Variants in ANKS1B observed in about 807,000 individuals in gnomAD.
The protein encoded by ANKS1B is ankyrin repeat and sterile alpha motif domain-containing protein 1B.
ANKS1B carries 36 observed loss-of-function variants against 148.3 expected under a neutral mutation model. That is an observed-to-expected ratio of 0.24 (90% CI 0.19 to 0.32). The LOEUF is 0.32. Among genes scored for constraint, ANKS1B ranks in the 10% least tolerant of loss-of-function variants. The pLI, the probability that ANKS1B is intolerant of heterozygous loss-of-function variation, is 1.00. For synonymous variants in ANKS1B, 542 were observed against 560.8 expected, an observed-to-expected ratio of 0.97 and a Z score of 0.47; for missense variants, 1,157 against 1,542.6, an observed-to-expected ratio of 0.75 and a Z score of 4.19.
At chr12:99,536,770 A>T (rs181145054) in intron 9 of ANKS1B, among the ~76,000 whole-genome samples, 2 of 152,262 alleles carry the variant, frequency 1.3e-5, no homozygotes, top group East Asian at 3.9e-4. Context: ...CAAACACTCC[A>T]ATCACACTCT....
At chr12:99,748,929 G>A (rs2060849510) in intron 8 of ANKS1B, among the ~76,000 whole-genome samples, 1 of 152,038 alleles carries the variant, frequency 6.6e-6, no homozygotes, top group African/African-American at 2.4e-5. Context: ...AACAAATCCT[G>A]GGAGTAAAAT....
At chr12:99,387,140 A>C (rs2093893989) in intron 12 of ANKS1B, among the ~76,000 whole-genome samples, 1 of 150,986 alleles carries the variant, frequency 6.6e-6, no homozygotes, top group South Asian at 2.1e-4. Flanking sequence ...TATGGATGCA[A>C]GAATTGGTGG....
chr12:99,702,952 T>C (rs2055109948), intron 8 of ANKS1B, among the ~76,000 whole-genome samples: 1 of 152,036 alleles, frequency 6.6e-6, no homozygotes, highest in Admixed American at 6.6e-5. Context: ...TTTTTGCACA[T>C]GGTGAAAGAC....
chr12:99,738,124 A>G (rs7397866), intron 8 of ANKS1B, among the ~76,000 whole-genome samples: 28,163 of 152,120 alleles, frequency 0.19, 3,249 homozygotes, highest in East Asian at 0.55. Flanking sequence ...GAACACAGAC[A>G]TGGAATTTAT....
At chr12:99,220,714 T>G (rs959588351) in intron 14 of ANKS1B, among the ~76,000 whole-genome samples, 1 of 152,114 alleles carries the variant, frequency 6.6e-6, no homozygotes, top group African/African-American at 2.4e-5. Flanking sequence ...CCCAAAGTGC[T>G]GGGATTACAG....
At chr12:99,469,741 C>T (rs2096206147) in intron 10 of ANKS1B, among the ~76,000 whole-genome samples, 1 of 152,090 alleles carries the variant, frequency 6.6e-6, no homozygotes, top group South Asian at 2.1e-4. Flanking sequence ...AAATGTCCAA[C>T]TAAAATAAGT....
intron 8 of ANKS1B, among the ~76,000 whole-genome samples, chr12:99,736,387 T>C (rs1482163160): frequency 6.6e-6 from 1 of 151,858 alleles, no homozygotes; most frequent in Non-Finnish European, 1.5e-5. Context: ...TTCAAACTGA[T>C]AAATTCAGTA....
At chr12:98,958,560 T>C (rs1171601650) in intron 17 of ANKS1B, among the ~76,000 whole-genome samples, 2 of 152,268 alleles carry the variant, frequency 1.3e-5, no homozygotes, top group African/African-American at 4.8e-5. Flanking sequence ...ATTACACATA[T>C]GTATACATAC....
intron 24 of ANKS1B, among the ~76,000 whole-genome samples, chr12:98,780,669 A>G (rs998983538): frequency 5.3e-5 from 8 of 152,224 alleles, no homozygotes; most frequent in Admixed American, 1.3e-4. Flanking sequence ...AAAGACACAT[A>G]TATATCTCTA....
intron 7 of ANKS1B, among the ~76,000 whole-genome samples, chr12:99,774,669 A>G (rs2063488928): frequency 6.6e-6 from 1 of 152,146 alleles, no homozygotes; most frequent in South Asian, 2.1e-4. Flanking sequence ...TCTTGGAGAG[A>G]TATCTGCACC....
intron 9 of ANKS1B, among the ~76,000 whole-genome samples, chr12:99,561,706 A>G (rs966939976): frequency 2.0e-5 from 3 of 152,044 alleles, no homozygotes; most frequent in Non-Finnish European, 4.4e-5. Flanking sequence ...CTCCATTTCT[A>G]ATTCACTCAC....
chr12:99,213,421 A>G (rs1400460574), intron 14 of ANKS1B, among the ~76,000 whole-genome samples: 1 of 152,232 alleles, frequency 6.6e-6, no homozygotes, highest in Admixed American at 6.5e-5. Flanking sequence ...AAATTGTGGC[A>G]ACTCCCGAAG....
chr12:99,632,730 T>C (rs181054436), intron 9 of ANKS1B, among the ~76,000 whole-genome samples: 5 of 22,966 alleles, frequency 2.2e-4, no homozygotes, highest in Non-Finnish European at 3.7e-4. Context: ...TTTCTTTCTA[T>C]ATATATATAT....
intron 9 of ANKS1B, among the ~76,000 whole-genome samples, chr12:99,532,461 C>T (rs1186109489): frequency 1.3e-5 from 2 of 152,032 alleles, no homozygotes; most frequent in African/African-American, 4.8e-5. Flanking sequence ...CCCAGGTTCA[C>T]GCCATTCTCC....
At chr12:99,756,418 C>T (rs2061571130) in intron 8 of ANKS1B, among the ~76,000 whole-genome samples, 1 of 151,914 alleles carries the variant, frequency 6.6e-6, no homozygotes, top group Non-Finnish European at 1.5e-5. Flanking sequence ...AAACACTGCA[C>T]AAAGAAATCA....
chr12:99,306,133 C>A (rs745654823), intron 12 of ANKS1B, among the ~76,000 whole-genome samples: 9 of 152,044 alleles, frequency 5.9e-5, no homozygotes, highest in Admixed American at 3.3e-4. Context: ...TAGTGTTGTG[C>A]TTCAATCCAG....
chr12:99,065,342 T>C (rs546099568), intron 16 of ANKS1B, among the ~76,000 whole-genome samples: 9 of 152,324 alleles, frequency 5.9e-5, no homozygotes, highest in African/African-American at 2.2e-4. Flanking sequence ...GTCAATTCTA[T>C]TTATTTGATA....
intron 1 of ANKS1B, among the ~76,000 whole-genome samples, chr12:99,925,013 T>C (rs1240644947): frequency 6.6e-6 from 1 of 152,156 alleles, no homozygotes; most frequent in Non-Finnish European, 1.5e-5. Context: ...AGAATTTTTC[T>C]GTTTTGTTCA....
chr12:99,495,067 G>A (rs1463405687), intron 10 of ANKS1B, among the ~76,000 whole-genome samples: 1 of 152,198 alleles, frequency 6.6e-6, no homozygotes, highest in Non-Finnish European at 1.5e-5. Context: ...TACAGAACAA[G>A]AGTGGAATGT....
Sources: allele counts gnomAD v4.1 joint callset (sites outside exome capture counted in the v4.1 genomes callset), GRCh38; gene constraint gnomAD v4.1.1; transcripts MANE v1.5; gene names NCBI Gene and HGNC (gene_info 2026-07-23, HGNC 2026-07-21).